SNTG1: variants seen among roughly 807,000 people sequenced by gnomAD.
SNTG1 encodes gamma-1-syntrophin.
Under a neutral mutation model 74.7 loss-of-function variants are expected in SNTG1, and 39 were observed. The ratio of observed to expected loss-of-function variants is 0.52; its 90% CI spans 0.40 to 0.68. SNTG1 has a LOEUF of 0.68. Among genes scored for constraint, SNTG1 ranks in the 30% least tolerant of loss-of-function variants. The probability of loss-of-function intolerance (pLI) is 0.00; values close to 1 mark genes in which losing one functional copy is unlikely to be tolerated. For missense variants in SNTG1, 685 were observed against 609.5 expected (o/e 1.12, Z -1.30); for synonymous variants, 254 against 217.1 (o/e 1.17, Z -1.49).
At chr8:50,037,876 G>C (rs1410251683) in intron 1 of SNTG1, among the ~76,000 whole-genome samples, 1 of 152,166 alleles carries the variant, frequency 6.6e-6, no homozygotes, top group Non-Finnish European at 1.5e-5. Flanking sequence ...GAGTGTGGAA[G>C]AATTACTCAA....
At chr8:50,044,403 C>T (rs904361728) in intron 1 of SNTG1, among the ~76,000 whole-genome samples, 25 of 152,078 alleles carry the variant, frequency 1.6e-4, no homozygotes, top group Admixed American at 1.6e-3. Context: ...TTCTTTTGGG[C>T]CAAAATTAAA....
intron 13 of SNTG1, among the ~76,000 whole-genome samples, chr8:50,618,129 T>A (rs1341047052): frequency 6.6e-6 from 1 of 152,214 alleles, no homozygotes; most frequent in African/African-American, 2.4e-5. Flanking sequence ...AAACTACTTA[T>A]AATTTTGTGA....
At chr8:50,647,170 C>A (rs1355029293) in intron 13 of SNTG1, among the ~76,000 whole-genome samples, 1 of 151,930 alleles carries the variant, frequency 6.6e-6, no homozygotes, top group African/African-American at 2.4e-5. Context: ...TTCTCAGATA[C>A]AACACAAAAA....
intron 15 of SNTG1, among the ~76,000 whole-genome samples, chr8:50,671,056 A>G (rs2095279451): frequency 6.6e-6 from 1 of 151,444 alleles, no homozygotes; most frequent in Non-Finnish European, 1.5e-5. Context: ...GATGGATTAA[A>G]GACTTAAATG....
chr8:50,329,490 C>T (rs900860068), intron 2 of SNTG1, among the ~76,000 whole-genome samples: 5 of 152,126 alleles, frequency 3.3e-5, no homozygotes, highest in Admixed American at 3.3e-4. Flanking sequence ...AGGCAAAACA[C>T]CACGTAGAAG....
intron 2 of SNTG1, among the ~76,000 whole-genome samples, chr8:50,208,467 A>G (rs1368551791): frequency 2.0e-5 from 3 of 151,988 alleles, no homozygotes; most frequent in Non-Finnish European, 4.4e-5. Flanking sequence ...TCCACGTGAG[A>G]TGGTTCTTCT....
At chr8:50,160,263 G>T (rs546615649) in intron 1 of SNTG1, among the ~76,000 whole-genome samples, 2 of 152,074 alleles carry the variant, frequency 1.3e-5, no homozygotes, top group Non-Finnish European at 2.9e-5. Flanking sequence ...ACACATAAAC[G>T]TTGTTACAGC....
At chr8:50,542,207 A>G (rs57924264) in intron 11 of SNTG1, among the ~76,000 whole-genome samples, 4,780 of 142,306 alleles carry the variant, frequency 0.034, 247 homozygotes, top group African/African-American at 0.12. Context: ...CCCAAGCTGG[A>G]GTGCAATGGT....
chr8:49,939,321 C>T (rs1026952291), intron 1 of SNTG1, among the ~76,000 whole-genome samples: 1 of 152,144 alleles, frequency 6.6e-6, no homozygotes, highest in East Asian at 1.9e-4. Context: ...TTCTTTCAAC[C>T]ATTAGGCCCT....
At chr8:50,488,635 G>C (rs1230880070) in intron 8 of SNTG1, among the ~76,000 whole-genome samples, 2 of 152,126 alleles carry the variant, frequency 1.3e-5, no homozygotes, top group Admixed American at 1.3e-4. Context: ...TCCATCATCT[G>C]TTCCTGCCCC....
chr8:50,355,871 C>G (rs1024854975), intron 2 of SNTG1, among the ~76,000 whole-genome samples: 7 of 152,038 alleles, frequency 4.6e-5, no homozygotes, highest in Non-Finnish European at 1.5e-5. Flanking sequence ...GTGAGCTTAC[C>G]GTGGCTTTTA....
intron 18 of SNTG1, among the ~76,000 whole-genome samples, chr8:50,777,061 T>A (rs916460370): frequency 2.0e-5 from 3 of 151,748 alleles, no homozygotes; most frequent in Non-Finnish European, 4.4e-5. Flanking sequence ...TGGCAAGGAT[T>A]TCTTTGAGTT....
chr8:49,976,845 A>T (rs1812238876), intron 1 of SNTG1, among the ~76,000 whole-genome samples: 1 of 152,142 alleles, frequency 6.6e-6, no homozygotes, highest in African/African-American at 2.4e-5. Flanking sequence ...TTTAAGCAAG[A>T]CTAAATGGCA....
At chr8:50,671,878 G>A (rs2095284976) in intron 15 of SNTG1, among the ~76,000 whole-genome samples, 2 of 151,768 alleles carry the variant, frequency 1.3e-5, no homozygotes. Context: ...AAAATGATGA[G>A]TTCATGTCCT....
chr8:50,069,583 A>ATTTTTTTTTTTTTTTTTTTT (rs71235778), intron 1 of SNTG1, among the ~76,000 whole-genome samples: 1 of 67,032 alleles, frequency 1.5e-5, no homozygotes, highest in Non-Finnish European at 2.5e-5. Flanking sequence ...ATTGGGAGGA[A>ATTTTTTTTTTTTTTTTTTTT]TTTTTTTTTT....
chr8:50,307,607 A>G (rs2089954487), intron 2 of SNTG1, among the ~76,000 whole-genome samples: 1 of 151,900 alleles, frequency 6.6e-6, no homozygotes, highest in Admixed American at 6.6e-5. Context: ...TTTAATCCTA[A>G]TTTATATCTT....
At position 50,402,185 on chromosome 8, in the gene SNTG1, G is replaced by GT. The variant is rs755065972; in HGVS notation, c.28-22dup. 64 of 1,574,002 alleles carry GT rather than the reference G, an allele frequency of 4.1e-5. No individual in the cohort carries two copies. The African/African-American group carries it at 7.2e-4, about 18-fold the overall frequency. ...ATAAACTAAGTATAATTTTTCCTCT[G>GT]TTTGTTTTTTTTTTTAATCTGAAGA... On this transcript the variant is annotated intron_variant, in intron 3 of 18. Coordinates refer to ENST00000642720, the MANE Select transcript of SNTG1 (RefSeq NM_018967.5).
chr8:50,060,064 G>A (rs1471453979), intron 1 of SNTG1, among the ~76,000 whole-genome samples: 1 of 152,054 alleles, frequency 6.6e-6, no homozygotes, highest in Non-Finnish European at 1.5e-5. Flanking sequence ...GTAACTTACA[G>A]TAAAGGTGGT....
chr8:50,287,791 C>T (rs1024031694), intron 2 of SNTG1, among the ~76,000 whole-genome samples: 1 of 152,164 alleles, frequency 6.6e-6, no homozygotes, highest in Non-Finnish European at 1.5e-5. Context: ...TCTATCTCCT[C>T]ATGGTAGACT....
Sources: allele counts gnomAD v4.1 joint callset (sites outside exome capture counted in the v4.1 genomes callset), GRCh38; gene constraint gnomAD v4.1.1; transcripts MANE v1.5; gene names NCBI Gene and HGNC (gene_info 2026-07-23, HGNC 2026-07-21).